Variants in CCAR1 observed in about 807,000 individuals in gnomAD.
CCAR1 encodes the protein cell division cycle and apoptosis regulator protein 1.
CCAR1 carries 78 observed loss-of-function variants against 163.8 expected under a neutral mutation model. That is an observed-to-expected ratio of 0.48 (90% CI 0.40 to 0.57). CCAR1 has a LOEUF of 0.57. Ranked by LOEUF, CCAR1 falls within the 20% of genes least tolerant of loss-of-function variation. The probability of loss-of-function intolerance (pLI) is 0.00; values close to 1 mark genes in which losing one functional copy is unlikely to be tolerated. For missense variants in CCAR1, 1,019 were observed against 1,365.2 expected, an observed-to-expected ratio of 0.75 and a Z score of 4.00; for synonymous variants, 443 against 460.7, an observed-to-expected ratio of 0.96 and a Z score of 0.49.
At chr10:68,747,673 C>G (rs2056275162) in intron 8 of CCAR1, 107 bp downstream of exon 8, 5 of 995,254 alleles carry the variant, frequency 5.0e-6, no homozygotes, top group Non-Finnish European at 6.0e-6. Flanking sequence ...AACTTGAAGC[C>G]TAAAAATCCT....
At chr10:68,753,309 G>T (rs957990630) in intron 10 of CCAR1, among the ~76,000 whole-genome samples, 2 of 152,206 alleles carry the variant, frequency 1.3e-5, no homozygotes, top group African/African-American at 4.8e-5. Context: ...AGAAAGGGTT[G>T]TGGAGGTGCA....
At chr10:68,783,618 G>A (rs1256492731) in intron 19 of CCAR1, among the ~76,000 whole-genome samples, 1 of 152,090 alleles carries the variant, frequency 6.6e-6, no homozygotes, top group Non-Finnish European at 1.5e-5. Context: ...AAATTCTCAT[G>A]GATGACTTTG....
chr10:68,771,337 G>A lies in CCAR1; in HGVS notation c.2430G>A (p.Glu810=), dbSNP rs1461039270. Reference sequence around the variant, plus strand: ...AGGATAAAAAAAGCAAAAAAGATGAGAGAAAAGATAAAAAAGAAGAAAGAG... The same window carrying A: ...AGGATAAAAAAAGCAAAAAAGATGAAAGAAAAGATAAAAAAGAAGAAAGAG... ...KEKDKKSKKD[E]RKDKKEERDD... is the part of the protein sequence containing the mutation. Residue 810 remains glutamate, a synonymous_variant, in exon 18 of 25, where the codon GAG becomes GAA. Coordinates refer to ENST00000265872, the MANE Select transcript of CCAR1 (RefSeq NM_018237.4). 2 of 1,606,730 alleles carry A rather than the reference G, an allele frequency of 1.2e-6. No individual in the cohort carries two copies. Among genetic ancestry groups the A allele is most frequent in the South Asian group, 1.1e-5 (1 of 89,608 alleles).
At chr10:68,726,883 C>T (rs1454905413) in intron 2 of CCAR1, among the ~76,000 whole-genome samples, 1 of 151,514 alleles carries the variant, frequency 6.6e-6, no homozygotes, top group Non-Finnish European at 1.5e-5. Flanking sequence ...GTAATCCCAG[C>T]TATTCGGGAG....
intron 19 of CCAR1, among the ~76,000 whole-genome samples, chr10:68,775,603 G>A (rs1467383206): frequency 1.0e-4 from 15 of 148,472 alleles, no homozygotes; most frequent in East Asian, 4.0e-4. Flanking sequence ...TCTGCCTCCC[G>A]GGTTCAAGCG....
chr10:68,786,164 A>C lies in CCAR1; in HGVS notation c.2679A>C (p.Arg893=). ...GGGATGAGGAAGAAATGACCAAACGAGATGACAAAAGAGATATCAACAGAT... is the reference window on the plus strand; with the variant it reads ...GGGATGAGGAAGAAATGACCAAACGCGATGACAAAAGAGATATCAACAGAT... ...DDRDEEEMTK[R]DDKRDINRYC... Residue 893 remains arginine (R), a synonymous_variant, in exon 20 of 25, where the codon CGA becomes CGC. Coordinates refer to ENST00000265872, the MANE Select transcript of CCAR1 (RefSeq NM_018237.4). The C allele has an allele frequency of 6.2e-7, 1 of 1,612,792 alleles. No homozygotes were observed. The highest frequency in any genetic ancestry group is 1.1e-5 in the South Asian group (1 of 90,886).
At position 68,756,594 on chromosome 10, in the gene CCAR1, G is replaced by T; in HGVS notation, c.1836+111G>T. The stretch of plus-strand genomic sequence containing the variant: ...AAACACACATGGAGGAACATAACTG[G>T]TAACAGCGACTGGTAATCCAGCTTT... On this transcript the variant is annotated intron_variant, in intron 14 of 24. Transcript: ENST00000265872. This position sits in a 1 kb window ranked among gnomAD's most constrained non-coding sequence, Gnocchi z 5.1. 1 of 854,762 alleles carries T rather than the reference G, an allele frequency of 1.2e-6. No individual in the cohort carries two copies. The highest frequency in any genetic ancestry group is 1.7e-5 in the African/African-American group (1 of 59,952). The allele number at this position is 854,762 out of a possible 1,614,324, so 52.9% of individuals were successfully genotyped here.
chr10:68,765,620 A>G (rs2056526307), intron 16 of CCAR1, among the ~76,000 whole-genome samples: 1 of 152,174 alleles, frequency 6.6e-6, no homozygotes, highest in Non-Finnish European at 1.5e-5. Context: ...TATAATCTCA[A>G]TATAGATAAT....
intron 8 of CCAR1, 24 bp from the exon 9 acceptor site, chr10:68,749,112 G>T (rs1171060019): frequency 1.2e-6 from 2 of 1,613,276 alleles, no homozygotes; most frequent in Non-Finnish European, 1.7e-6. Flanking sequence ...CACGCTAAAC[G>T]TTTTTTTCTT....
At chr10:68,751,026 T>C (rs142781165) in intron 10 of CCAR1, among the ~76,000 whole-genome samples, 242 of 149,396 alleles carry the variant, frequency 1.6e-3, no homozygotes, top group African/African-American at 5.9e-3. Flanking sequence ...CTTTTTTTTT[T>C]GTTTTTGTTT....
chr10:68,746,416 G>C (rs2056256322), intron 6 of CCAR1, among the ~76,000 whole-genome samples: 1 of 152,054 alleles, frequency 6.6e-6, no homozygotes, highest in Non-Finnish European at 1.5e-5. Flanking sequence ...TTTTAGTAGA[G>C]ATGGGGTTTC....
At chr10:68,785,279 A>G (rs2056784260) in intron 19 of CCAR1, among the ~76,000 whole-genome samples, 1 of 149,056 alleles carries the variant, frequency 6.7e-6, no homozygotes, top group African/African-American at 2.5e-5. Context: ...AGAGTGCAGT[A>G]GCATGAACAT....
chr10:68,724,312 A>G (rs1265507147), intron 2 of CCAR1, among the ~76,000 whole-genome samples: 1 of 152,008 alleles, frequency 6.6e-6, no homozygotes, highest in Admixed American at 6.6e-5. Flanking sequence ...TAAAAAATAT[A>G]AAAGTTAGCT....
chr10:68,738,733 T>G (rs2056145453), intron 4 of CCAR1, among the ~76,000 whole-genome samples: 1 of 152,110 alleles, frequency 6.6e-6, no homozygotes, highest in Non-Finnish European at 1.5e-5. Context: ...ATCAAAATAT[T>G]AAAATAGAAC....
At chr10:68,753,024 GTATT>G (rs529270960) in intron 10 of CCAR1, among the ~76,000 whole-genome samples, 38 of 151,348 alleles carry the variant, frequency 2.5e-4, no homozygotes, top group South Asian at 1.5e-3. Flanking sequence ...TTATTACTCT[GTATT>G]TATTTTTATA....
chr10:68,753,867 G>A lies in CCAR1; in HGVS notation c.1134G>A (p.Met378Ile), dbSNP rs1378620993. 11 of 1,613,368 alleles carry A rather than the reference G, an allele frequency of 6.8e-6. No individual in the cohort carries two copies. The highest frequency in any genetic ancestry group is 9.3e-6 in the Non-Finnish European group (11 of 1,179,404). ...TGTTTTTCAGTCCCAGTTGTGACAT[G>A]ATGGAACTAAGGCGCCGTTATCAAA... ...KFSLDCPSCD[M>I]MELRRRYQNL... is the part of the protein sequence containing the mutation. Residue 378 changes from methionine to isoleucine, a missense_variant, in exon 11 of 25, where the codon ATG (methionine) becomes ATA (isoleucine). Transcript: ENST00000265872.
intron 19 of CCAR1, among the ~76,000 whole-genome samples, chr10:68,773,420 T>C (rs927165587): frequency 6.6e-6 from 1 of 152,286 alleles, no homozygotes; most frequent in African/African-American, 2.4e-5. Context: ...CCCAGCACTT[T>C]GGGAGGCCAA....
At chr10:68,769,239 G>T (rs2056571342) in intron 17 of CCAR1, among the ~76,000 whole-genome samples, 2 of 152,320 alleles carry the variant, frequency 1.3e-5, no homozygotes, top group South Asian at 4.1e-4. Flanking sequence ...CTCCTGAAGT[G>T]CTGGGATTAC....
intron 19 of CCAR1, among the ~76,000 whole-genome samples, chr10:68,780,761 C>G (rs1295843541): frequency 6.6e-6 from 1 of 152,150 alleles, no homozygotes; most frequent in Non-Finnish European, 1.5e-5. Context: ...GATCTGTGAT[C>G]AGTGATCTTT....
Sources: allele counts gnomAD v4.1 joint callset (sites outside exome capture counted in the v4.1 genomes callset), GRCh38; gene constraint gnomAD v4.1.1; non-coding constraint Gnocchi (gnomAD v3.1); transcripts MANE v1.5; gene names NCBI Gene and HGNC (gene_info 2026-07-23, HGNC 2026-07-21).